NLGN1: variants seen among roughly 807,000 people sequenced by gnomAD.
The protein encoded by NLGN1 is neuroligin-1.
In NLGN1, 12 loss-of-function variants were observed where a neutral mutation model predicts 65.5. The observed-to-expected ratio is 0.18, with a 90% CI of 0.12 to 0.30. The LOEUF (loss-of-function observed/expected upper bound fraction) is 0.30. Among genes scored for constraint, NLGN1 ranks in the 10% least tolerant of loss-of-function variants. The pLI is 1.00. For missense variants in NLGN1, 750 were observed against 1,007.1 expected (o/e 0.74, Z 3.46); for synonymous variants, 350 against 359.5 (o/e 0.97, Z 0.30).
At chr3:174,058,303 T>C (rs577019013) in intron 4 of NLGN1, among the ~76,000 whole-genome samples, 1 of 152,238 alleles carries the variant, frequency 6.6e-6, no homozygotes, top group African/African-American at 2.4e-5. Context: ...TTTGACACAT[T>C]CTGTAATGAA....
At chr3:174,143,301 G>A (rs556284643) in intron 4 of NLGN1, among the ~76,000 whole-genome samples, 1 of 152,332 alleles carries the variant, frequency 6.6e-6, no homozygotes, top group Non-Finnish European at 1.5e-5. Context: ...AGGAAGACAA[G>A]TGAAGCCACT....
At chr3:173,895,254 A>C (rs1286546301) in intron 4 of NLGN1, among the ~76,000 whole-genome samples, 2 of 152,126 alleles carry the variant, frequency 1.3e-5, no homozygotes, top group Non-Finnish European at 2.9e-5. Flanking sequence ...GATCCATCTG[A>C]GTACCACATC....
chr3:173,614,978 C>T (rs900868923), intron 3 of NLGN1, among the ~76,000 whole-genome samples: 1 of 151,918 alleles, frequency 6.6e-6, no homozygotes, highest in East Asian at 1.9e-4. Flanking sequence ...CTAAAATGGC[C>T]GCTTAAATGA....
chr3:174,001,784 T>A (rs981471219), intron 4 of NLGN1, among the ~76,000 whole-genome samples: 3 of 152,126 alleles, frequency 2.0e-5, no homozygotes, highest in Admixed American at 6.5e-5. Flanking sequence ...GGGATGATGA[T>A]GATGATGTAC....
intron 2 of NLGN1, among the ~76,000 whole-genome samples, chr3:173,483,505 T>C (rs1316079576): frequency 2.0e-5 from 3 of 152,120 alleles, no homozygotes; most frequent in African/African-American, 7.2e-5. Context: ...CAGTTTATCA[T>C]TCAAACATAC....
At chr3:173,528,985 T>C (rs1429117898) in intron 2 of NLGN1, among the ~76,000 whole-genome samples, 2 of 152,218 alleles carry the variant, frequency 1.3e-5, no homozygotes, top group African/African-American at 4.8e-5. Flanking sequence ...AGTGTGATCC[T>C]TTGATGGTTT....
chr3:173,666,279 A>G (rs1761682306), intron 3 of NLGN1, among the ~76,000 whole-genome samples: 1 of 152,142 alleles, frequency 6.6e-6, no homozygotes, highest in African/African-American at 2.4e-5. Context: ...GTAGATAAAT[A>G]TAAGCCTAAG....
chr3:173,473,854 C>A (rs948875749), intron 2 of NLGN1, among the ~76,000 whole-genome samples: 1 of 152,092 alleles, frequency 6.6e-6, no homozygotes, highest in Non-Finnish European at 1.5e-5. Context: ...TGCTAGCGGG[C>A]GAATAACACA....
chr3:173,427,910 A>G (rs1577404222), intron 1 of NLGN1, among the ~76,000 whole-genome samples: 1 of 150,444 alleles, frequency 6.6e-6, no homozygotes, highest in Non-Finnish European at 1.5e-5. Context: ...GAGGGGCACT[A>G]ATGTCTCCTA....
chr3:173,957,631 A>G, intron 4 of NLGN1, among the ~76,000 whole-genome samples: 1 of 152,230 alleles, frequency 6.6e-6, no homozygotes, highest in East Asian at 1.9e-4. Flanking sequence ...CTACTGGGTC[A>G]TGGCAGAAAA....
At chr3:173,669,338 C>T (rs1009219537) in intron 3 of NLGN1, among the ~76,000 whole-genome samples, 2 of 152,184 alleles carry the variant, frequency 1.3e-5, no homozygotes, top group Admixed American at 6.5e-5. Flanking sequence ...AAAATTTTGT[C>T]CCTTCAGGCC....
chr3:173,405,907 G>A (rs1219466334), intron 1 of NLGN1, among the ~76,000 whole-genome samples: 1 of 152,006 alleles, frequency 6.6e-6, no homozygotes, highest in Non-Finnish European at 1.5e-5. Flanking sequence ...TTTGGGTAAA[G>A]ATAATCAGAA....
At chr3:173,574,955 G>T (rs1391420565) in intron 2 of NLGN1, among the ~76,000 whole-genome samples, 1 of 152,178 alleles carries the variant, frequency 6.6e-6, no homozygotes, top group African/African-American at 2.4e-5. Context: ...CACAATCATG[G>T]CTCACTACAG....
intron 4 of NLGN1, among the ~76,000 whole-genome samples, chr3:173,994,156 G>A (rs1418586884): frequency 6.6e-6 from 1 of 152,048 alleles, no homozygotes; most frequent in African/African-American, 2.4e-5. Context: ...CACCCAGGTT[G>A]GAGTGCAGTG....
intron 3 of NLGN1, among the ~76,000 whole-genome samples, chr3:173,772,419 A>C (rs1175540954): frequency 6.6e-6 from 1 of 152,014 alleles, no homozygotes; most frequent in East Asian, 1.9e-4. Context: ...GAAGTTTGAC[A>C]CCATCCTGGC....
intron 2 of NLGN1, among the ~76,000 whole-genome samples, chr3:173,437,159 G>A (rs566939899): frequency 1.3e-5 from 2 of 152,292 alleles, no homozygotes; most frequent in South Asian, 2.1e-4. Flanking sequence ...TTCCCAAGTC[G>A]TGATCTGTTT....
At chr3:173,397,239 C>A (rs948086820), upstream of NLGN1, among the ~76,000 whole-genome samples, 10 of 152,122 alleles carry the variant, frequency 6.6e-5, no homozygotes, top group Non-Finnish European at 1.2e-4. Context: ...AAAACCAATA[C>A]ATTTTACTTG....
chr3:174,148,185 T>A (rs530857115), intron 4 of NLGN1, among the ~76,000 whole-genome samples: 1 of 152,350 alleles, frequency 6.6e-6, no homozygotes, highest in East Asian at 1.9e-4. Flanking sequence ...GATGTTGCAC[T>A]GTTTTTCTGG....
chr3:173,478,350 A>G (rs575475095), intron 2 of NLGN1, among the ~76,000 whole-genome samples: 10 of 151,974 alleles, frequency 6.6e-5, no homozygotes, highest in Non-Finnish European at 1.3e-4. Flanking sequence ...GGGGCTGAAC[A>G]ATGAGAACAC....
Sources: allele counts gnomAD v4.1 joint callset (sites outside exome capture counted in the v4.1 genomes callset), GRCh38; gene constraint gnomAD v4.1.1; transcripts MANE v1.5; gene names NCBI Gene and HGNC (gene_info 2026-07-23, HGNC 2026-07-21).